Variants in SOX5 observed in about 807,000 individuals in gnomAD.
SOX5 encodes SRY-box transcription factor 5.
Under a neutral mutation model 92.0 loss-of-function variants are expected in SOX5, and 9 were observed. That is an observed-to-expected ratio of 0.10 (90% CI 0.06 to 0.17). SOX5 has a LOEUF of 0.17. SOX5 is among the 10% of genes least tolerant of loss of function. The pLI is 1.00. For missense variants in SOX5, 642 were observed against 944.5 expected (o/e 0.68, Z 4.20); for synonymous variants, 344 against 336.3 (o/e 1.02, Z -0.25).
chr12:24,539,294 A>G (rs1325028782), intron 1 of SOX5, among the ~76,000 whole-genome samples: 2 of 152,182 alleles, frequency 1.3e-5, no homozygotes, highest in Non-Finnish European at 2.9e-5. Flanking sequence ...AAGCCAGAAA[A>G]CAAAGAAATT....
chr12:23,609,184 G>A (rs1220584797), intron 8 of SOX5, among the ~76,000 whole-genome samples: 1 of 152,192 alleles, frequency 6.6e-6, no homozygotes. Context: ...GGAACAGTGA[G>A]TGGTAGAAAG....
chr12:24,227,371 G>C (rs1962303236), intron 3 of SOX5: 1 of 152,216 alleles, frequency 6.6e-6, no homozygotes, highest in South Asian at 2.1e-4. Context: ...AAATCTCTGA[G>C]AGACTCTACA....
chr12:23,734,986 G>T (rs904207053), intron 5 of SOX5, among the ~76,000 whole-genome samples: 1 of 152,082 alleles, frequency 6.6e-6, no homozygotes, highest in African/African-American at 2.4e-5. Flanking sequence ...AAGATACCAC[G>T]GCAGTGATCA....
At chr12:24,058,837 T>C (rs892370161) in intron 4 of SOX5, among the ~76,000 whole-genome samples, 23 of 152,244 alleles carry the variant, frequency 1.5e-4, no homozygotes, top group African/African-American at 4.8e-4. Context: ...CAAGGTCCCA[T>C]TGTACATATG....
chr12:23,946,051 T>G (rs1170443336), intron 1 of SOX5, among the ~76,000 whole-genome samples: 2 of 152,092 alleles, frequency 1.3e-5, no homozygotes, highest in East Asian at 3.9e-4. Flanking sequence ...CTGAAAAGTG[T>G]CCTAATAAGA....
chr12:23,875,678 C>A (rs1350899390), intron 2 of SOX5, among the ~76,000 whole-genome samples: 2 of 152,034 alleles, frequency 1.3e-5, no homozygotes, highest in South Asian at 2.1e-4. Flanking sequence ...TTAAAGAGAA[C>A]CAGAGATTTT....
intron 4 of SOX5, among the ~76,000 whole-genome samples, chr12:24,030,251 C>T (rs1357769654): frequency 1.3e-5 from 2 of 151,750 alleles, no homozygotes; most frequent in East Asian, 3.9e-4. Context: ...AAATCTACAG[C>T]AAAAAGAACA....
chr12:24,408,696 G>A (rs1963493914), intron 1 of SOX5, among the ~76,000 whole-genome samples: 1 of 152,142 alleles, frequency 6.6e-6, no homozygotes, highest in African/African-American at 2.4e-5. Context: ...GTTTATTTTT[G>A]TTGCTGAATA....
intron 4 of SOX5, among the ~76,000 whole-genome samples, chr12:23,741,488 C>T (rs1315578089): frequency 6.6e-6 from 1 of 151,906 alleles, no homozygotes; most frequent in African/African-American, 2.4e-5. Context: ...AGTTTTTCAT[C>T]TAATTAAGGA....
chr12:23,638,321 G>A (rs1476888261), intron 8 of SOX5: 2 of 152,208 alleles, frequency 1.3e-5, no homozygotes, highest in African/African-American at 4.8e-5. Flanking sequence ...AACGATGGAA[G>A]GGGAAGCAGT....
intron 1 of SOX5, among the ~76,000 whole-genome samples, chr12:24,520,198 G>A (rs965081416): frequency 3.3e-5 from 5 of 152,060 alleles, no homozygotes; most frequent in African/African-American, 1.2e-4. Flanking sequence ...CCTTTGAATT[G>A]AAATGAAGAC....
At chr12:23,551,332 T>C (rs1027804825) in intron 11 of SOX5, among the ~76,000 whole-genome samples, 1 of 151,874 alleles carries the variant, frequency 6.6e-6, no homozygotes. Flanking sequence ...TCAGCTTAAG[T>C]GTAAAGAAAT....
At chr12:23,619,858 T>G (rs1407997160) in intron 8 of SOX5, among the ~76,000 whole-genome samples, 4 of 152,158 alleles carry the variant, frequency 2.6e-5, no homozygotes, top group African/African-American at 9.7e-5. Flanking sequence ...GCTGTTATAC[T>G]TCTTATTATC....
chr12:24,309,904 AATG>A (rs1311998983), intron 2 of SOX5, among the ~76,000 whole-genome samples: 2 of 152,164 alleles, frequency 1.3e-5, no homozygotes, highest in African/African-American at 2.4e-5. Flanking sequence ...GTTGATTCAG[AATG>A]ATAAGATCTT....
Position 23,602,901 on chromosome 12 carries a change from C to G in SOX5, c.1164+1486G>C, listed in dbSNP as rs143814800. On this transcript the variant is annotated intron_variant, in intron 9 of 14. Coordinates refer to ENST00000451604, the MANE Select transcript of SOX5 (RefSeq NM_006940.6). ...ATGCTGTTGTGATTATAAAGAAAAG[C>G]AGACCAGGCCTTAGATATACATTAA... Among the ~76,000 whole-genome samples the G allele has an allele frequency of 1.7e-3, 262 of 152,122 alleles. 3 individuals carry two copies. Among genetic ancestry groups the G allele is most frequent in the African/African-American group, 6.1e-3 (253 of 41,532 alleles).
intron 1 of SOX5, among the ~76,000 whole-genome samples, chr12:24,516,735 C>T (rs1949824237): frequency 6.6e-6 from 1 of 152,154 alleles, no homozygotes. Context: ...AGCTATATTT[C>T]TTCTTTATAA....
At chr12:24,151,045 G>A (rs929934672) in intron 4 of SOX5, among the ~76,000 whole-genome samples, 10 of 151,966 alleles carry the variant, frequency 6.6e-5, no homozygotes, top group South Asian at 2.1e-4. Flanking sequence ...AATGGTCAGT[G>A]GAATAACAAA....
chr12:23,540,361 T>TATAATGATA (rs1941698926), intron 13 of SOX5, among the ~76,000 whole-genome samples: 1 of 142,784 alleles, frequency 7.0e-6, no homozygotes, highest in East Asian at 2.0e-4. Context: ...AAACTTAAAG[T>TATAATGATA]ATAATAATAA....
chr12:24,271,803 G>A (rs1021441471), intron 3 of SOX5, among the ~76,000 whole-genome samples: 1 of 152,086 alleles, frequency 6.6e-6, no homozygotes, highest in African/African-American at 2.4e-5. Context: ...CTTCTCTATT[G>A]TCTCTCATTT....
Sources: allele counts gnomAD v4.1 joint callset (sites outside exome capture counted in the v4.1 genomes callset), GRCh38; gene constraint gnomAD v4.1.1; transcripts MANE v1.5; gene names NCBI Gene and HGNC (gene_info 2026-07-23, HGNC 2026-07-21).